The following EYA2 variants were observed in gnomAD, a reference collection of about 807,000 sequenced individuals.
EYA2 encodes EYA transcriptional coactivator and phosphatase 2.
In EYA2, 31 loss-of-function variants were observed where a neutral mutation model predicts 69.2. The observed-to-expected ratio is 0.45, with a 90% CI of 0.34 to 0.60. The LOEUF is 0.60. Ranked by LOEUF, EYA2 falls within the 20% of genes least tolerant of loss-of-function variation. EYA2 has a pLI of 0.02. For missense variants in EYA2, 622 were observed against 701.2 expected, an observed-to-expected ratio of 0.89 and a Z score of 1.28; for synonymous variants, 257 against 279.4, an observed-to-expected ratio of 0.92 and a Z score of 0.80.
At chr20:46,959,349 G>A (rs1413210692) in intron 1 of EYA2, among the ~76,000 whole-genome samples, 2 of 152,174 alleles carry the variant, frequency 1.3e-5, no homozygotes, top group Non-Finnish European at 2.9e-5. Context: ...TGTTGGGGGT[G>A]GGGGCTGATG....
chr20:46,913,784 T>C (rs1984763515), intron 1 of EYA2, among the ~76,000 whole-genome samples: 1 of 152,130 alleles, frequency 6.6e-6, no homozygotes, highest in African/African-American at 2.4e-5. Flanking sequence ...TGCCCTTTGC[T>C]GAAATGGGGA....
rs1162488512 is a variant in EYA2, at chr20:47,074,191, CA to C, written c.518del (p.Gln173ArgfsTer107). The C allele has an allele frequency of 6.2e-7, 1 of 1,613,298 alleles. No homozygotes were observed. Among genetic ancestry groups the C allele is most frequent in the Admixed American group, 1.7e-5 (1 of 59,958 alleles). On this transcript the variant is annotated frameshift_variant, in exon 7 of 16. Coordinates refer to ENST00000327619, the MANE Select transcript of EYA2 (RefSeq NM_005244.5). LOFTEE classifies it high-confidence loss of function. ...YPSYPGFPQSQYPQYYGSSYN... is the reference protein window; with the variant it reads ...YPSYPGFPQSXYPQYYGSSYN... ...TTCCTACCCCGGCTTCCCCCAGAGC[CA>C]GTACCCCCAGTATTACGGCTCATCC...
At chr20:47,012,170 T>C (rs924138797) in intron 4 of EYA2, among the ~76,000 whole-genome samples, 2 of 152,248 alleles carry the variant, frequency 1.3e-5, no homozygotes, top group African/African-American at 4.8e-5. Context: ...ACACCCTCTC[T>C]GAAATCCACA....
intron 10 of EYA2, among the ~76,000 whole-genome samples, chr20:47,162,158 C>G (rs539173088): frequency 3.3e-4 from 51 of 152,290 alleles, no homozygotes; most frequent in Middle Eastern, 3.4e-3. Flanking sequence ...CCAAATACCC[C>G]CTTTATAAGG....
chr20:47,152,763 A>G (rs2033848036), intron 10 of EYA2, among the ~76,000 whole-genome samples: 1 of 150,990 alleles, frequency 6.6e-6, no homozygotes, highest in Non-Finnish European at 1.5e-5. Context: ...GTGAGCCGAG[A>G]TCGCGCCACT....
At chr20:46,941,538 A>G (rs1986154227) in intron 1 of EYA2, among the ~76,000 whole-genome samples, 1 of 152,186 alleles carries the variant, frequency 6.6e-6, no homozygotes, top group Admixed American at 6.5e-5. Context: ...TTCAGTAAAC[A>G]CTATTAAAAG....
intron 1 of EYA2, among the ~76,000 whole-genome samples, chr20:46,971,452 A>G (rs1255802424): frequency 6.6e-6 from 1 of 152,222 alleles, no homozygotes; most frequent in East Asian, 1.9e-4. Context: ...GACCTAACCT[A>G]CATGTTACTT....
At chr20:46,985,358 T>TA (rs892486180) in intron 1 of EYA2, among the ~76,000 whole-genome samples, 3 of 152,154 alleles carry the variant, frequency 2.0e-5, no homozygotes, top group Admixed American at 6.5e-5. Context: ...GGCAAGGGCC[T>TA]AAGGTGAATA....
chr20:47,184,120 A>T (rs2034589883), intron 15 of EYA2, among the ~76,000 whole-genome samples: 1 of 152,196 alleles, frequency 6.6e-6, no homozygotes, highest in African/African-American at 2.4e-5. Context: ...AAGGCTTTGC[A>T]GGCACTGTTC....
intron 5 of EYA2, among the ~76,000 whole-genome samples, chr20:47,048,842 C>T (rs1159736873): frequency 6.6e-6 from 1 of 152,210 alleles, no homozygotes; most frequent in African/African-American, 2.4e-5. Flanking sequence ...ATCTGTGTCC[C>T]CTGCTTCACT....
intron 1 of EYA2, among the ~76,000 whole-genome samples, chr20:46,956,901 ACT>A (rs1979156682): frequency 1.3e-5 from 2 of 152,096 alleles, no homozygotes; most frequent in African/African-American, 2.4e-5. Flanking sequence ...GTGCAGGGAA[ACT>A]CTGCTTTATA....
Position 47,187,426 on chromosome 20 carries a change from A to C in EYA2, c.1537-627A>C, listed in dbSNP as rs899859767. On this transcript the variant is annotated intron_variant, in intron 15 of 15. Transcript: ENST00000327619. ...GCAGGTACCACCTGCTGCAAAGAAA[A>C]GGAAAAGATAAAAACGAAAGCTATA... Among the ~76,000 whole-genome samples the C allele has an allele frequency of 2.6e-5, 4 of 151,588 alleles. No homozygotes were observed. The East Asian group carries it at 5.8e-4, about 22-fold the overall frequency.
At chr20:47,001,560 C>A in intron 3 of EYA2, 87 bp downstream of exon 3, 1 of 1,376,754 alleles carries the variant, frequency 7.3e-7, no homozygotes, top group East Asian at 2.3e-5. Flanking sequence ...GGCCCTGGAG[C>A]CAGATTCCCT....
intron 1 of EYA2, among the ~76,000 whole-genome samples, chr20:46,966,571 G>A (rs61022947): frequency 6.6e-6 from 1 of 152,180 alleles, no homozygotes; most frequent in African/African-American, 2.4e-5. Context: ...TACTTTGGGA[G>A]GCCGAGGTGG....
At chr20:47,067,045 AC>A (rs2031137624) in intron 5 of EYA2, among the ~76,000 whole-genome samples, 2 of 152,104 alleles carry the variant, frequency 1.3e-5, no homozygotes, top group African/African-American at 4.8e-5. Context: ...GGCTGCCCTC[AC>A]GCTGTAGTTT....
At chr20:47,072,310 C>A in intron 6 of EYA2, 58 bp downstream of exon 6, 5 of 1,506,066 alleles carry the variant, frequency 3.3e-6, no homozygotes, top group Non-Finnish European at 4.5e-6. Flanking sequence ...ATTCCCCTTA[C>A]ATCAGGGCAC....
At chr20:47,062,399 C>T (rs1600679905) in intron 5 of EYA2, among the ~76,000 whole-genome samples, 1 of 152,150 alleles carries the variant, frequency 6.6e-6, no homozygotes, top group East Asian at 1.9e-4. Context: ...GGGCTGAGTT[C>T]GCAGGGAGGT....
intron 1 of EYA2, among the ~76,000 whole-genome samples, chr20:46,977,321 A>AT (rs1327885467): frequency 1.3e-5 from 2 of 152,246 alleles, no homozygotes; most frequent in Admixed American, 6.5e-5. Flanking sequence ...CCAAAATTCT[A>AT]TTTTAAAAGA....
At chr20:46,902,871 C>T (rs574416417) in intron 1 of EYA2, among the ~76,000 whole-genome samples, 7 of 152,338 alleles carry the variant, frequency 4.6e-5, no homozygotes, top group African/African-American at 1.4e-4. Flanking sequence ...AAAGACCATA[C>T]GGCCTGCAAA....
Sources: allele counts gnomAD v4.1 joint callset (sites outside exome capture counted in the v4.1 genomes callset), GRCh38; gene constraint gnomAD v4.1.1; transcripts MANE v1.5; gene names NCBI Gene and HGNC (gene_info 2026-07-23, HGNC 2026-07-21).